MYO5B: variants seen among roughly 807,000 people sequenced by gnomAD.
MYO5B encodes myosin VB.
In MYO5B, 143 loss-of-function variants were observed where a neutral mutation model predicts 229.3. That is an observed-to-expected ratio of 0.62 (90% confidence interval 0.54 to 0.72). MYO5B has a LOEUF of 0.72. Among genes scored for constraint, MYO5B ranks in the 30% least tolerant of loss-of-function variants. MYO5B has a pLI of 0.00. For missense variants in MYO5B, 2,321 were observed against 2,331.0 expected, an observed-to-expected ratio of 1.00 and a Z score of 0.09; for synonymous variants, 918 against 885.2, an observed-to-expected ratio of 1.04 and a Z score of -0.66.
chr18:50,176,437 C>A (rs1269374161), intron 1 of MYO5B, among the ~76,000 whole-genome samples: 1 of 152,166 alleles, frequency 6.6e-6, no homozygotes, highest in Non-Finnish European at 1.5e-5. Context: ...TTCACTTATG[C>A]CTAGCACATA....
At chr18:49,933,111 A>G (rs1194262820) in intron 16 of MYO5B, among the ~76,000 whole-genome samples, 1 of 152,134 alleles carries the variant, frequency 6.6e-6, no homozygotes, top group Non-Finnish European at 1.5e-5. Context: ...CCGCCATGGA[A>G]TTGATTTCTC....
chr18:50,083,346 C>A (rs1028502479), intron 1 of MYO5B, among the ~76,000 whole-genome samples: 2 of 152,140 alleles, frequency 1.3e-5, no homozygotes, highest in Non-Finnish European at 2.9e-5. Context: ...AATCTCCAGC[C>A]CCTTTCCTCT....
chr18:49,988,934 T>C (rs1421836225), intron 7 of MYO5B, among the ~76,000 whole-genome samples: 1 of 152,190 alleles, frequency 6.6e-6, no homozygotes, highest in Non-Finnish European at 1.5e-5. Context: ...ACTGACCAGC[T>C]GGAGAACAGG....
At chr18:49,841,563 A>G (rs1381086909) in intron 34 of MYO5B, 109 bp from the exon 35 acceptor site, 2 of 1,040,686 alleles carry the variant, frequency 1.9e-6, no homozygotes, top group Non-Finnish European at 1.5e-6. Flanking sequence ...GTTCCTGAGC[A>G]GCCCTGAGGC....
intron 10 of MYO5B, among the ~76,000 whole-genome samples, chr18:49,963,946 G>C (rs1456506538): frequency 6.6e-6 from 1 of 152,004 alleles, no homozygotes; most frequent in Non-Finnish European, 1.5e-5. Flanking sequence ...CCATCCAGAG[G>C]GGACACCTTT....
intron 7 of MYO5B, 89 bp downstream of exon 7, chr18:49,990,350 T>G: frequency 1.8e-6 from 2 of 1,113,628 alleles, no homozygotes; most frequent in South Asian, 2.5e-5. Context: ...CAAGAACCCA[T>G]GACGGAGGGC....
rs146024425 is a variant in MYO5B, at chr18:50,165,032, T to C, written c.27+29735A>G. On this transcript the variant is annotated intron_variant, in intron 1 of 39. Coordinates refer to ENST00000285039, the MANE Select transcript of MYO5B (RefSeq NM_001080467.3). ...ATCTGGCAGGGCTTTGGAGCATCTA[T>C]ATATGCTGGGCACAGGCCCCTCACT... Among the ~76,000 whole-genome samples the C allele has an allele frequency of 3.3e-3, 500 of 152,340 alleles. 4 individuals carry two copies. Among genetic ancestry groups the C allele is most frequent in the African/African-American group, 0.011 (460 of 41,574 alleles).
chr18:50,126,076 A>T (rs1350246405), intron 1 of MYO5B, among the ~76,000 whole-genome samples: 1 of 152,234 alleles, frequency 6.6e-6, no homozygotes, highest in East Asian at 1.9e-4. Flanking sequence ...TCGTGATTGC[A>T]CACAATGTGA....
chr18:49,915,459 T>A (rs116785456), intron 17 of MYO5B, among the ~76,000 whole-genome samples: 1 of 152,220 alleles, frequency 6.6e-6, no homozygotes, highest in African/African-American at 2.4e-5. Context: ...CAGGTCCATG[T>A]GGATTCCCTT....
chr18:49,851,430 A>G (rs535216579), intron 31 of MYO5B, among the ~76,000 whole-genome samples: 94 of 152,220 alleles, frequency 6.2e-4, no homozygotes, highest in Non-Finnish European at 1.0e-3. Flanking sequence ...TATTGGAACC[A>G]CCTGGGAATC....
chr18:49,968,360 A>G (rs2025650711), intron 10 of MYO5B, among the ~76,000 whole-genome samples: 1 of 152,124 alleles, frequency 6.6e-6, no homozygotes, highest in Admixed American at 6.5e-5. Flanking sequence ...CAAAATTACA[A>G]AGTTTTTCAG....
At chr18:49,838,628 T>C (rs534679425) in intron 36 of MYO5B, among the ~76,000 whole-genome samples, 3 of 152,328 alleles carry the variant, frequency 2.0e-5, no homozygotes, top group Non-Finnish European at 4.4e-5. Flanking sequence ...GTAATGCATC[T>C]ACACATAATT....
intron 2 of MYO5B, among the ~76,000 whole-genome samples, chr18:50,049,659 C>T (rs1299249085): frequency 6.6e-5 from 10 of 152,190 alleles, no homozygotes; most frequent in African/African-American, 2.4e-4. Context: ...CACTGAGAAG[C>T]ATCCCACTAG....
chr18:49,927,628 A>G (rs2068950530), intron 17 of MYO5B, among the ~76,000 whole-genome samples: 1 of 152,184 alleles, frequency 6.6e-6, no homozygotes, highest in African/African-American at 2.4e-5. Context: ...TGACAAAGCA[A>G]AAACAAAAAG....
At position 49,839,183 on chromosome 18, in the gene MYO5B, G is replaced by A; in HGVS notation, c.4813C>T (p.Leu1605Phe). ...SDLSIQIYQQLIKIAEGVLQP... is the reference protein window; with the variant it reads ...SDLSIQIYQQFIKIAEGVLQP... Reference sequence around the variant, plus strand: ...AACACGCCCTCGGCAATTTTAATGAGCTGCTGGTAGATCTGAATGGAAAGG... The same window carrying A: ...AACACGCCCTCGGCAATTTTAATGAACTGCTGGTAGATCTGAATGGAAAGG... The change falls in exon 36 of 40, where the codon CTC becomes TTC. Residue 1605 changes from leucine (L) to phenylalanine (F), a missense_variant. Physicochemically the swap from Leu to Phe is conservative, Grantham distance 22. This residue lies in a region of MYO5B where 2,113 missense variants were observed against 2,044.7 expected (regional missense o/e 1.03). Coordinates refer to ENST00000285039, the MANE Select transcript of MYO5B (RefSeq NM_001080467.3). The A allele has an allele frequency of 2.0e-5, 32 of 1,614,154 alleles. No individual in the cohort carries two copies. The highest frequency in any genetic ancestry group is 2.7e-5 in the Non-Finnish European group (32 of 1,180,040).
intron 12 of MYO5B, 119 bp from the exon 13 acceptor site, chr18:49,954,554 C>A: frequency 1.5e-6 from 2 of 1,324,848 alleles, no homozygotes; most frequent in South Asian, 2.4e-5. Context: ...GCCCTCGAAC[C>A]AGGACCTTAA....
At chr18:50,194,453 G>C (rs944865445) in intron 1 of MYO5B, among the ~76,000 whole-genome samples, 5 of 152,138 alleles carry the variant, frequency 3.3e-5, no homozygotes, top group Non-Finnish European at 7.4e-5. Flanking sequence ...AACTCGGTTG[G>C]AGCCGAGCCC....
chr18:50,040,047 A>G (rs1368974111), intron 3 of MYO5B, 96 bp downstream of exon 3: 1 of 1,316,742 alleles, frequency 7.6e-7, no homozygotes, highest in African/African-American at 1.5e-5. Context: ...TACAAATGAG[A>G]GAGTGAAATG....
intron 12 of MYO5B, among the ~76,000 whole-genome samples, chr18:49,956,234 G>A (rs998317836): frequency 6.6e-6 from 1 of 152,162 alleles, no homozygotes; most frequent in African/African-American, 2.4e-5. Context: ...CTTATTGTTT[G>A]CCAGGCCATT....
Sources: gnomAD v4.1 joint callset for allele counts (sites outside exome capture counted in the v4.1 genomes callset) on GRCh38, gnomAD v4.1.1 for gene constraint, gnomAD v4.1.1 regional missense constraint, MANE v1.5 for transcripts, NCBI Gene and HGNC (gene_info 2026-07-23, HGNC 2026-07-21) for gene names.